YJU2: variants seen among roughly 807,000 people sequenced by gnomAD.
The protein encoded by YJU2 is splicing factor YJU2.
In YJU2, 28 loss-of-function variants were observed where a neutral mutation model predicts 39.6. The observed-to-expected ratio is 0.71, with a 90% CI of 0.52 to 0.97. The LOEUF (loss-of-function observed/expected upper bound fraction) is 0.97. YJU2 is among the 50% of genes least tolerant of loss of function. The probability of loss-of-function intolerance (pLI) is 0.00; values close to 1 mark genes in which losing one functional copy is unlikely to be tolerated. For missense variants in YJU2, 328 were observed against 430.4 expected (o/e 0.76, Z 2.11); for synonymous variants, 184 against 182.4 (o/e 1.01, Z -0.07).
intron 6 of YJU2, among the ~76,000 whole-genome samples, chr19:4,266,538 C>T (rs1159677578): frequency 2.0e-5 from 3 of 152,152 alleles, no homozygotes; most frequent in African/African-American, 2.4e-5. Flanking sequence ...AGCTCACGCA[C>T]CCTGGCTTCT....
intron 4 of YJU2, among the ~76,000 whole-genome samples, chr19:4,256,410 G>A (rs1217477956): frequency 6.6e-6 from 1 of 151,846 alleles, no homozygotes; most frequent in Non-Finnish European, 1.5e-5. Context: ...GCCATGCAGA[G>A]CAACAGGGAG....
chr19:4,247,446 T>A, intron 1 of YJU2: 1 of 360,300 alleles, frequency 2.8e-6, no homozygotes, highest in Non-Finnish European at 5.0e-6. Flanking sequence ...AGGGTTTTTT[T>A]TCTGGGGGCG....
intron 2 of YJU2, among the ~76,000 whole-genome samples, chr19:4,249,943 G>A (rs1970962409): frequency 6.6e-6 from 1 of 152,052 alleles, no homozygotes; most frequent in African/African-American, 2.4e-5. Flanking sequence ...CTGACCTCAG[G>A]TGATCTGCCC....
At chr19:4,260,860 G>C (rs1281998359) in intron 5 of YJU2, among the ~76,000 whole-genome samples, 1 of 152,158 alleles carries the variant, frequency 6.6e-6, no homozygotes. Context: ...GTGTGGGGAG[G>C]GAGAGGGACA....
chr19:4,247,822 G>T (rs1037369833), intron 1 of YJU2, among the ~76,000 whole-genome samples: 1 of 151,790 alleles, frequency 6.6e-6, no homozygotes, highest in African/African-American at 2.4e-5. Flanking sequence ...CAGACTCCCA[G>T]AAGAAAAGCA....
chr19:4,258,909 C>T (rs987751532), intron 5 of YJU2, among the ~76,000 whole-genome samples: 3 of 152,092 alleles, frequency 2.0e-5, no homozygotes, highest in Admixed American at 6.6e-5. Context: ...GCAGGGGTCA[C>T]GCATAAACCA....
At chr19:4,262,575 A>G (rs1254499359) in intron 6 of YJU2, among the ~76,000 whole-genome samples, 2 of 152,076 alleles carry the variant, frequency 1.3e-5, no homozygotes, top group Non-Finnish European at 2.9e-5. Flanking sequence ...AACACCCATG[A>G]TCAGGTGTAA....
At chr19:4,266,022 C>T (rs1470735310) in intron 6 of YJU2, among the ~76,000 whole-genome samples, 3 of 149,906 alleles carry the variant, frequency 2.0e-5, no homozygotes, top group Non-Finnish European at 3.0e-5. Flanking sequence ...GGCACGATCT[C>T]GGCTCACTGC....
intron 2 of YJU2, among the ~76,000 whole-genome samples, chr19:4,250,239 G>A (rs1386991970): frequency 6.6e-6 from 1 of 152,084 alleles, no homozygotes; most frequent in African/African-American, 2.4e-5. Flanking sequence ...GTGAAATTCG[G>A]TTCATGCCCA....
intron 5 of YJU2, among the ~76,000 whole-genome samples, chr19:4,258,656 G>C (rs1325152498): frequency 6.6e-6 from 1 of 152,254 alleles, no homozygotes; most frequent in East Asian, 1.9e-4. Context: ...GTCACAGCGA[G>C]AGGACACAGC....
chr19:4,264,961 T>C (rs1971104695), intron 6 of YJU2, among the ~76,000 whole-genome samples: 1 of 152,182 alleles, frequency 6.6e-6, no homozygotes, highest in African/African-American at 2.4e-5. Flanking sequence ...AGCTGTGTCC[T>C]CTGATTAGAG....
At chr19:4,247,374 G>A in intron 1 of YJU2, 1 of 552,548 alleles carries the variant, frequency 1.8e-6, no homozygotes, top group East Asian at 3.2e-5. Flanking sequence ...TCCCTTCTGG[G>A]CTGGGGTGTA....
At chr19:4,256,457 G>A (rs1971022413) in intron 4 of YJU2, among the ~76,000 whole-genome samples, 2 of 152,026 alleles carry the variant, frequency 1.3e-5, no homozygotes, top group East Asian at 3.9e-4. Flanking sequence ...TGTGTGCCTG[G>A]GCCTGTCGCA....
chr19:4,247,669 GTGT>G (rs1568359729), intron 1 of YJU2, among the ~76,000 whole-genome samples: 2 of 88,436 alleles, frequency 2.3e-5, no homozygotes, highest in African/African-American at 1.0e-4. Context: ...GTGTGTGTGT[GTGT>G]GTGTGTGTGT....
chr19:4,258,132 C>A, intron 4 of YJU2, 110 bp from the exon 5 acceptor site: 1 of 1,446,994 alleles, frequency 6.9e-7, no homozygotes, highest in Non-Finnish European at 9.2e-7. Context: ...AGGATGGAAA[C>A]GTGGGGGTAG....
chr19:4,253,567 C>T (rs866424672), intron 3 of YJU2, among the ~76,000 whole-genome samples: 10 of 151,714 alleles, frequency 6.6e-5, no homozygotes, highest in African/African-American at 1.9e-4. Flanking sequence ...GGCAACAGCA[C>T]GAGACCCTGT....
chr19:4,247,657 GTGTGTGT>G lies in YJU2; in HGVS notation c.24+488_24+494del, dbSNP rs1568359706. 6.0e-4 allele frequency among the ~76,000 whole-genome samples: 43 copies of G among 71,306 alleles called. 2 individuals carry two copies. Among genetic ancestry groups the G allele is most frequent in the East Asian group, 9.1e-4 (2 of 2,188 alleles). The allele number at this position is 71,306 out of a possible 152,430, so 46.8% of individuals were successfully genotyped here. A position where few individuals can be genotyped will look rare whatever the true frequency, so the allele number is the denominator to read the frequency against. The stretch of plus-strand genomic sequence containing the variant: ...TGTGTGTGTGTGTGTGTGTGTGTGT[GTGTGTGT>G]GTGTGTGTGTGTGTGTGTGTGTGTG... On this transcript the variant is annotated intron_variant, in intron 1 of 7. Transcript: ENST00000262962.
At chr19:4,266,256 C>T (rs1971114769) in intron 6 of YJU2, among the ~76,000 whole-genome samples, 1 of 152,062 alleles carries the variant, frequency 6.6e-6, no homozygotes, top group African/African-American at 2.4e-5. Flanking sequence ...GGCCCAGAGC[C>T]ACAACTTTAA....
chr19:4,253,442 G>A (rs1024854640), intron 3 of YJU2, among the ~76,000 whole-genome samples: 1 of 151,984 alleles, frequency 6.6e-6, no homozygotes, highest in Non-Finnish European at 1.5e-5. Flanking sequence ...TTAGCCAGGT[G>A]TGATGGTGCA....
Sources: gnomAD v4.1 joint callset for allele counts (sites outside exome capture counted in the v4.1 genomes callset) on GRCh38, gnomAD v4.1.1 for gene constraint, MANE v1.5 for transcripts, NCBI Gene and HGNC (gene_info 2026-07-23, HGNC 2026-07-21) for gene names.